The following CBX5 variants were observed in gnomAD, a reference collection of about 807,000 sequenced individuals.
The protein encoded by CBX5 is chromobox protein homolog 5.
Under a neutral mutation model 20.7 loss-of-function variants are expected in CBX5, and 7 were observed. The ratio of observed to expected loss-of-function variants is 0.34; its 90% CI spans 0.19 to 0.63. The LOEUF is 0.63. Among genes scored for constraint, CBX5 ranks in the 30% least tolerant of loss-of-function variants. The pLI, the probability that CBX5 is intolerant of heterozygous loss-of-function variation, is 0.75. For synonymous variants in CBX5, 78 were observed against 77.0 expected, an observed-to-expected ratio of 1.01 and a Z score of -0.07; for missense variants, 110 against 224.1, an observed-to-expected ratio of 0.49 and a Z score of 3.25.
chr12:54,257,940 A>G, intron 1 of CBX5: 1 of 302,546 alleles, frequency 3.3e-6, no homozygotes, highest in Non-Finnish European at 6.1e-6. Context: ...TAACTCTTCT[A>G]TTTCAGATTC....
rs201068133 is a variant in CBX5, at chr12:54,263,361, CA to C, written c.-42-5670del. ...GGACAACAAGGGCAAAACTCCGTCT[CA>C]AAAAAAAACCAAACAAAAAACTTAT... is the stretch of plus-strand genomic sequence containing the variant. On this transcript the variant is annotated intron_variant, in intron 1 of 4. Coordinates refer to ENST00000209875, the MANE Select transcript of CBX5 (RefSeq NM_012117.3). Among the ~76,000 whole-genome samples, 324 of 148,550 alleles carry C rather than the reference CA, an allele frequency of 2.2e-3. 1 individual carries two copies. The highest frequency in any genetic ancestry group is 7.0e-3 in the African/African-American group (282 of 40,328).
intron 1 of CBX5, among the ~76,000 whole-genome samples, chr12:54,270,317 C>A (rs1943997649): frequency 6.6e-6 from 1 of 152,088 alleles, no homozygotes; most frequent in South Asian, 2.1e-4. Flanking sequence ...TCTCTGCCAC[C>A]CAGGCTCAAG....
At chr12:54,275,189 T>C (rs1212749296) in intron 1 of CBX5, among the ~76,000 whole-genome samples, 2 of 152,170 alleles carry the variant, frequency 1.3e-5, no homozygotes, top group Admixed American at 6.5e-5. Context: ...ACAGAATATA[T>C]TCCCCTTTAG....
Position 54,263,760 on chromosome 12 carries a change from C to G in CBX5, c.-42-6068G>C, listed in dbSNP as rs1228096979. On this transcript the variant is annotated intron_variant, in intron 1 of 4. Transcript: ENST00000209875. Reference sequence around the variant, plus strand: ...CCTGGGCAACAGGGTAAGACTCTATCTCAAAAAAAAAAAAAAAAAAAAAGA... The same window carrying G: ...CCTGGGCAACAGGGTAAGACTCTATGTCAAAAAAAAAAAAAAAAAAAAAGA... Among the ~76,000 whole-genome samples, 264 of 90,618 alleles carry G rather than the reference C, an allele frequency of 2.9e-3. 2 individuals carry two copies. Among genetic ancestry groups the G allele is most frequent in the African/African-American group, 0.011 (249 of 23,704 alleles). 59.4% of individuals were successfully genotyped at this position (90,618 alleles called of 152,430 possible).
Position 54,233,714 on chromosome 12 carries a change from T to A in CBX5, c.*8041A>T, listed in dbSNP as rs1017361193. On this transcript the variant is annotated 3_prime_UTR_variant, in exon 5 of 5. Coordinates refer to ENST00000209875, the MANE Select transcript of CBX5 (RefSeq NM_012117.3). ...GGGAGGCTGAGGCACGTGGATCACTTGAGCTCACGAGTTGGAGACCAGCCT... is the reference window on the plus strand; with the variant it reads ...GGGAGGCTGAGGCACGTGGATCACTAGAGCTCACGAGTTGGAGACCAGCCT... 6.6e-6 allele frequency: 1 copy of A among 151,930 alleles called. No individual in the cohort carries two copies. The highest frequency in any genetic ancestry group is 1.5e-5 in the Non-Finnish European group (1 of 68,024). 9.4% of individuals were successfully genotyped at this position (151,930 alleles called of 1,614,324 possible).
Position 54,231,633 on chromosome 12 carries a change from C to A in CBX5, c.*10122G>T, listed in dbSNP as rs1943570440. Reference sequence around the variant, plus strand: ...CTAAACTGAGATGGAAAGAGTAAGGCTCTTGAGCCCACACCTGGCCAAGTA... The same window carrying A: ...CTAAACTGAGATGGAAAGAGTAAGGATCTTGAGCCCACACCTGGCCAAGTA... On this transcript the variant is annotated 3_prime_UTR_variant, in exon 5 of 5. Transcript: ENST00000209875. 1 of 152,416 alleles carries A rather than the reference C, an allele frequency of 6.6e-6. No individual in the cohort carries two copies. Among genetic ancestry groups the A allele is most frequent in the South Asian group, 2.1e-4 (1 of 4,836 alleles). The allele number at this position is 152,416 out of a possible 1,614,324, so 9.4% of individuals were successfully genotyped here.
rs1444788641 is a variant in CBX5, at chr12:54,252,185, A to G, written c.180T>C (p.Pro60=). ...TWEPEKNLDC[P]ELISEFMKKY... ...TTTTCATAAATTCAGAAATTAGCTC[A>G]GGGCAATCCAAGTTTTTCTCAGGTT... The change falls in exon 3 of 5, where the codon CCT becomes CCC. Residue 60 remains proline (P), a synonymous_variant. Coordinates refer to ENST00000209875, the MANE Select transcript of CBX5 (RefSeq NM_012117.3). The G allele has an allele frequency of 6.3e-7, 1 of 1,599,432 alleles. No homozygotes were observed. The highest frequency in any genetic ancestry group is 1.7e-5 in the Admixed American group (1 of 58,788).
chr12:54,246,617 T>A (rs1395844685), intron 3 of CBX5, among the ~76,000 whole-genome samples: 1 of 151,646 alleles, frequency 6.6e-6, no homozygotes, highest in African/African-American at 2.4e-5. Context: ...CCATCTCTAC[T>A]AAAAATACAA....
At chr12:54,245,579 G>T (rs1198778351) in intron 4 of CBX5, among the ~76,000 whole-genome samples, 11 of 151,736 alleles carry the variant, frequency 7.2e-5, no homozygotes, top group Non-Finnish European at 1.6e-4. Flanking sequence ...ATTACTTGAG[G>T]TCGGGAGTTT....
Position 54,236,656 on chromosome 12 carries a change from C to T in CBX5, c.*5099G>A, listed in dbSNP as rs1467980351. On this transcript the variant is annotated 3_prime_UTR_variant, in exon 5 of 5. Coordinates refer to ENST00000209875, the MANE Select transcript of CBX5 (RefSeq NM_012117.3). Reference sequence around the variant, plus strand: ...ATATTTTTTATTCTAAAATCTCAACCAAAATGATGGGATCATGGGTGCAAA... The same window carrying T: ...ATATTTTTTATTCTAAAATCTCAACTAAAATGATGGGATCATGGGTGCAAA... 1 of 152,104 alleles carries T rather than the reference C, an allele frequency of 6.6e-6. No homozygotes were observed. Among genetic ancestry groups the T allele is most frequent in the Non-Finnish European group, 1.5e-5 (1 of 68,016 alleles). 9.4% of individuals were successfully genotyped at this position (152,104 alleles called of 1,614,324 possible). A position where few individuals can be genotyped will look rare whatever the true frequency, so the allele number is the denominator to read the frequency against.
At position 54,232,988 on chromosome 12, in the gene CBX5, C is replaced by T. The variant is rs1943583454; in HGVS notation, c.*8767G>A. On this transcript the variant is annotated 3_prime_UTR_variant, in exon 5 of 5. Coordinates refer to ENST00000209875, the MANE Select transcript of CBX5 (RefSeq NM_012117.3). ...CCCAGTGGTGGTTCTTGGTAGCGCT[C>T]TTATAAAGCTGCAAGTTGGTGGCGT... The T allele has an allele frequency of 6.6e-6, 1 of 151,902 alleles. No homozygotes were observed. Among genetic ancestry groups the T allele is most frequent in the East Asian group, 1.9e-4 (1 of 5,186 alleles). The allele number at this position is 151,902 out of a possible 1,614,324, so 9.4% of individuals were successfully genotyped here.
At chr12:54,258,870 G>A (rs10219739) in intron 1 of CBX5, among the ~76,000 whole-genome samples, 65,958 of 151,904 alleles carry the variant, frequency 0.43, 16,360 homozygotes, top group Middle Eastern at 0.69. Flanking sequence ...GTCAGGGAGG[G>A]CCCACTACTA....
intron 3 of CBX5, among the ~76,000 whole-genome samples, chr12:54,250,275 G>A (rs972724105): frequency 6.6e-6 from 1 of 151,856 alleles, no homozygotes; most frequent in Admixed American, 6.6e-5. Context: ...TCTGGCTATG[G>A]TGGCACATGC....
intron 1 of CBX5, among the ~76,000 whole-genome samples, chr12:54,271,251 T>C (rs1056381572): frequency 2.6e-5 from 4 of 152,348 alleles, no homozygotes; most frequent in African/African-American, 9.6e-5. Context: ...TCCTTACTGA[T>C]TTCATCTACC....
rs1943607306 is a variant in CBX5 at position 54,235,243 on chromosome 12, C to G, written c.*6512G>C. On this transcript the variant is annotated 3_prime_UTR_variant, in exon 5 of 5. Coordinates refer to ENST00000209875, the MANE Select transcript of CBX5 (RefSeq NM_012117.3). ...CCCAGCTACGCTTCGATGATTAAAT[C>G]TGAGACTCAGATTTAATATACAAGG... 6.6e-6 allele frequency: 1 copy of G among 152,206 alleles called. No homozygotes were observed. Among genetic ancestry groups the G allele is most frequent in the African/African-American group, 2.4e-5 (1 of 41,456 alleles). 9.4% of individuals were successfully genotyped at this position (152,206 alleles called of 1,614,324 possible).
Position 54,241,505 on chromosome 12 carries a change from A to G in CBX5, c.*250T>C. ...GAAGCAGAAGGAAGAGATCAGGGCA[A>G]AGGAAAAAAAAATTGTGGGTATTAC... On this transcript the variant is annotated 3_prime_UTR_variant, in exon 5 of 5. Transcript: ENST00000209875. 2.4e-6 allele frequency: 1 copy of G among 408,360 alleles called. No individual in the cohort carries two copies. The highest frequency in any genetic ancestry group is 4.3e-6 in the Non-Finnish European group (1 of 231,848). 25.3% of individuals were successfully genotyped at this position (408,360 alleles called of 1,614,324 possible). A position where few individuals can be genotyped will look rare whatever the true frequency, so the allele number is the denominator to read the frequency against.
intron 1 of CBX5, among the ~76,000 whole-genome samples, chr12:54,261,933 C>G (rs756041023): frequency 1.3e-5 from 2 of 152,162 alleles, no homozygotes; most frequent in African/African-American, 2.4e-5. Flanking sequence ...TATGTCAGGG[C>G]TGAATACAAC....
At chr12:54,272,693 G>C (rs569486928) in intron 1 of CBX5, 39 of 152,288 alleles carry the variant, frequency 2.6e-4, no homozygotes, top group African/African-American at 8.9e-4. Context: ...CATCCTTCAA[G>C]TCCTAGGCAA....
At chr12:54,273,497 A>C (rs1944030268) in intron 1 of CBX5, 1 of 152,180 alleles carries the variant, frequency 6.6e-6, no homozygotes, top group Non-Finnish European at 1.5e-5. Flanking sequence ...TTAGGAATAA[A>C]ATATATTTTA....
Sources: gnomAD v4.1 joint callset for allele counts (sites outside exome capture counted in the v4.1 genomes callset) on GRCh38, gnomAD v4.1.1 for gene constraint, MANE v1.5 for transcripts, NCBI Gene and HGNC (gene_info 2026-07-23, HGNC 2026-07-21) for gene names.